Variants in MAML3 observed in about 807,000 individuals in gnomAD.
The protein encoded by MAML3 is mastermind like transcriptional coactivator 3.
A neutral mutation model predicts 101.9 loss-of-function variants in MAML3; 27 were observed. The ratio of observed to expected loss-of-function variants is 0.27; its 90% CI spans 0.20 to 0.37. MAML3 has a LOEUF of 0.37. MAML3 is among the 10% of genes least tolerant of loss of function. MAML3 has a pLI of 1.00. For synonymous variants in MAML3, 501 were observed against 555.9 expected (o/e 0.90, Z 1.39); for missense variants, 1,316 against 1,444.9 (o/e 0.91, Z 1.45).
chr4:139,960,509 A>G (rs980878233), intron 1 of MAML3, among the ~76,000 whole-genome samples: 1 of 152,182 alleles, frequency 6.6e-6, no homozygotes, highest in Non-Finnish European at 1.5e-5. Flanking sequence ...CAACCTATGG[A>G]GACACGTTCC....
chr4:139,869,037 A>T (rs977205486), intron 2 of MAML3, among the ~76,000 whole-genome samples: 18 of 152,236 alleles, frequency 1.2e-4, no homozygotes, highest in African/African-American at 3.6e-4. Context: ...TGGGTGGGGC[A>T]CTCAAGAACT....
intron 1 of MAML3, among the ~76,000 whole-genome samples, chr4:140,113,173 G>C (rs1728466360): frequency 6.6e-6 from 1 of 152,124 alleles, no homozygotes; most frequent in Admixed American, 6.5e-5. Context: ...CAGCTACTCA[G>C]GAGGCTGAGG....
intron 1 of MAML3, among the ~76,000 whole-genome samples, chr4:139,919,132 A>G (rs1410485020): frequency 6.6e-6 from 1 of 152,138 alleles, no homozygotes; most frequent in Non-Finnish European, 1.5e-5. Flanking sequence ...GCAGTGAGGA[A>G]CAAGAGATGC....
At chr4:140,139,462 C>G (rs6536722) in intron 1 of MAML3, among the ~76,000 whole-genome samples, 49,730 of 151,698 alleles carry the variant, frequency 0.33, 8,820 homozygotes, top group African/African-American at 0.46. Flanking sequence ...GAGTCTAAGG[C>G]AGGAGGATAG....
chr4:139,820,397 T>C (rs1462845409), intron 2 of MAML3, among the ~76,000 whole-genome samples: 1 of 152,226 alleles, frequency 6.6e-6, no homozygotes, highest in African/African-American at 2.4e-5. Context: ...CTCATTTCAC[T>C]GGGGACTTAG....
At chr4:139,730,381 A>G (rs555612710) in intron 3 of MAML3, 35 bp downstream of exon 3, 2 of 1,502,158 alleles carry the variant, frequency 1.3e-6, no homozygotes, top group East Asian at 4.9e-5. Context: ...GTGCTTGCTG[A>G]ATGAATGAAT....
At chr4:140,062,661 C>T (rs1011183271) in intron 1 of MAML3, among the ~76,000 whole-genome samples, 1 of 152,196 alleles carries the variant, frequency 6.6e-6, no homozygotes, top group Non-Finnish European at 1.5e-5. Context: ...CTGCTATAAG[C>T]TTAGAAATCA....
chr4:139,743,395 A>G (rs1191730456), intron 2 of MAML3, among the ~76,000 whole-genome samples: 1 of 152,222 alleles, frequency 6.6e-6, no homozygotes, highest in African/African-American at 2.4e-5. Context: ...CATTTCTCTG[A>G]TAGACACCGT....
At chr4:139,883,012 C>G (rs942677678) in intron 2 of MAML3, among the ~76,000 whole-genome samples, 5 of 152,134 alleles carry the variant, frequency 3.3e-5, no homozygotes, top group African/African-American at 1.2e-4. Flanking sequence ...AGGACTTCCA[C>G]CAATTTGAGG....
chr4:139,885,932 C>CAAAAAAAAAAAAAA (rs1182443191), intron 2 of MAML3, among the ~76,000 whole-genome samples: 4 of 20,300 alleles, frequency 2.0e-4, no homozygotes, highest in Admixed American at 1.1e-3. Flanking sequence ...GACTCCGTCT[C>CAAAAAAAAAAAAAA]AAAAAAAAAA....
At chr4:139,811,381 T>C (rs763206556) in intron 2 of MAML3, among the ~76,000 whole-genome samples, 14 of 152,188 alleles carry the variant, frequency 9.2e-5, no homozygotes, top group Non-Finnish European at 1.8e-4. Flanking sequence ...GCTTGAGTAC[T>C]ATTAGCTACT....
At chr4:139,951,921 T>C (rs1361405803) in intron 1 of MAML3, among the ~76,000 whole-genome samples, 1 of 152,054 alleles carries the variant, frequency 6.6e-6, no homozygotes, top group Non-Finnish European at 1.5e-5. Flanking sequence ...CCTAACACTT[T>C]GGGAGGCTGA....
At chr4:139,872,756 A>G (rs1472054658) in intron 2 of MAML3, among the ~76,000 whole-genome samples, 2 of 134,722 alleles carry the variant, frequency 1.5e-5, no homozygotes, top group African/African-American at 2.9e-5. Context: ...AAATCCTATC[A>G]ATAACAAGGT....
intron 1 of MAML3, among the ~76,000 whole-genome samples, chr4:140,109,290 ATACTC>A (rs1728402430): frequency 6.6e-6 from 1 of 152,216 alleles, no homozygotes; most frequent in Non-Finnish European, 1.5e-5. Flanking sequence ...CTACAACTCT[ATACTC>A]TATGCAGTAG....
intron 2 of MAML3, among the ~76,000 whole-genome samples, chr4:139,828,869 T>G (rs1327081351): frequency 6.6e-6 from 1 of 151,982 alleles, no homozygotes; most frequent in Admixed American, 6.6e-5. Context: ...GACATAGGGC[T>G]AAGAATAGGT....
intron 1 of MAML3, among the ~76,000 whole-genome samples, chr4:140,043,480 T>C (rs1286536292): frequency 1.3e-5 from 2 of 152,208 alleles, no homozygotes; most frequent in Admixed American, 1.3e-4. Context: ...CTTCCAAAAA[T>C]TTCTGGTGGT....
chr4:140,074,272 T>C (rs1727730778), intron 1 of MAML3, among the ~76,000 whole-genome samples: 1 of 140,214 alleles, frequency 7.1e-6, no homozygotes, highest in Non-Finnish European at 1.6e-5. Context: ...AGGACATGTG[T>C]ACTATGAGGG....
intron 2 of MAML3, among the ~76,000 whole-genome samples, chr4:139,883,996 C>G (rs1732275613): frequency 6.7e-6 from 1 of 150,058 alleles, no homozygotes; most frequent in Admixed American, 6.7e-5. Flanking sequence ...ATTCTCCTGC[C>G]TCAGACTCCC....
At chr4:139,943,362 G>C (rs961249721) in intron 1 of MAML3, among the ~76,000 whole-genome samples, 2 of 152,184 alleles carry the variant, frequency 1.3e-5, no homozygotes, top group African/African-American at 4.8e-5. Context: ...CAAGTGGCCA[G>C]AGGCTGGAAA....
Sources: allele counts gnomAD v4.1 joint callset (sites outside exome capture counted in the v4.1 genomes callset), GRCh38; gene constraint gnomAD v4.1.1; transcripts MANE v1.5; gene names NCBI Gene and HGNC (gene_info 2026-07-23, HGNC 2026-07-21).